Variants in RAB7A observed in about 807,000 individuals in gnomAD.
The protein encoded by RAB7A is ras-related protein Rab-7a.
A neutral mutation model predicts 24.5 loss-of-function variants in RAB7A; 2 were observed. That is an observed-to-expected ratio of 0.08 (90% CI 0.03 to 0.26). The LOEUF (loss-of-function observed/expected upper bound fraction) is 0.26. Ranked by LOEUF, RAB7A falls within the 10% of genes least tolerant of loss-of-function variation. RAB7A has a pLI of 1.00. For missense variants in RAB7A, 118 were observed against 255.7 expected, an observed-to-expected ratio of 0.46 and a Z score of 3.67; for synonymous variants, 100 against 95.9, an observed-to-expected ratio of 1.04 and a Z score of -0.25.
chr3:128,728,183 A>G (rs2070399189), intron 1 of RAB7A, among the ~76,000 whole-genome samples: 1 of 152,176 alleles, frequency 6.6e-6, no homozygotes, highest in Non-Finnish European at 1.5e-5. Context: ...AAGGTGAATG[A>G]TCTTGGCCAG....
At chr3:128,753,131 G>A (rs1448792629) in intron 1 of RAB7A, among the ~76,000 whole-genome samples, 1 of 152,124 alleles carries the variant, frequency 6.6e-6, no homozygotes, top group Non-Finnish European at 1.5e-5. Flanking sequence ...GTTAGTGGGT[G>A]GATGTATTCA....
chr3:128,790,898 C>T (rs1006591762), intron 1 of RAB7A, among the ~76,000 whole-genome samples: 2 of 152,112 alleles, frequency 1.3e-5, no homozygotes, highest in Non-Finnish European at 2.9e-5. Context: ...CCCCTTCCCA[C>T]CTCAAAAACA....
At chr3:128,731,857 T>G (rs2070440813) in intron 1 of RAB7A, among the ~76,000 whole-genome samples, 1 of 151,532 alleles carries the variant, frequency 6.6e-6, no homozygotes, top group South Asian at 2.1e-4. Context: ...AATATAAAAA[T>G]TAGCTGGGCA....
At chr3:128,808,235 C>T (rs950889368) in intron 5 of RAB7A, among the ~76,000 whole-genome samples, 5 of 152,030 alleles carry the variant, frequency 3.3e-5, no homozygotes, top group Non-Finnish European at 2.9e-5. Flanking sequence ...TGGTGGTCGC[C>T]AGTAATCCCA....
At chr3:128,753,615 A>T (rs2070706534) in intron 1 of RAB7A, among the ~76,000 whole-genome samples, 1 of 152,248 alleles carries the variant, frequency 6.6e-6, no homozygotes, top group Non-Finnish European at 1.5e-5. Flanking sequence ...GGGGAAGTCC[A>T]AAATCAAGGC....
intron 1 of RAB7A, among the ~76,000 whole-genome samples, chr3:128,783,200 T>TCCCCCGCC (rs199603796): frequency 2.5e-5 from 3 of 121,550 alleles, no homozygotes; most frequent in Non-Finnish European, 3.6e-5. Context: ...GGAGAATTTA[T>TCCCCCGCC]CCCCCGCCCC....
chr3:128,745,318 C>G (rs2070601437), intron 1 of RAB7A, among the ~76,000 whole-genome samples: 1 of 152,096 alleles, frequency 6.6e-6, no homozygotes, highest in African/African-American at 2.4e-5. Flanking sequence ...TCTGGAGTTT[C>G]AGTTGTACTG....
intron 1 of RAB7A, among the ~76,000 whole-genome samples, chr3:128,728,081 T>G (rs1166447325): frequency 6.6e-6 from 1 of 152,234 alleles, no homozygotes; most frequent in Non-Finnish European, 1.5e-5. Flanking sequence ...TTAAGTATTT[T>G]GAGTATCCAT....
At chr3:128,761,566 C>G (rs906265990) in intron 1 of RAB7A, among the ~76,000 whole-genome samples, 1 of 152,162 alleles carries the variant, frequency 6.6e-6, no homozygotes, top group African/African-American at 2.4e-5. Context: ...GATCACCAGC[C>G]TCTGAACAGG....
At chr3:128,797,808 T>C (rs1002783638) in intron 2 of RAB7A, 135 bp from the exon 3 acceptor site, 3 of 943,400 alleles carry the variant, frequency 3.2e-6, no homozygotes, top group Middle Eastern at 3.2e-4. Flanking sequence ...GGAAGGCTAC[T>C]GGCATTGCCC....
At chr3:128,775,804 G>A (rs1933073774) in intron 1 of RAB7A, among the ~76,000 whole-genome samples, 1 of 152,084 alleles carries the variant, frequency 6.6e-6, no homozygotes, top group African/African-American at 2.4e-5. Context: ...TGTTTGTGGT[G>A]TACAATATGA....
chr3:128,794,216 T>C (rs1933520745), intron 1 of RAB7A, among the ~76,000 whole-genome samples: 2 of 152,226 alleles, frequency 1.3e-5, no homozygotes. Flanking sequence ...GTTCTGTTAC[T>C]CATCTCTGTA....
At chr3:128,799,336 G>A (rs1261318739) in intron 3 of RAB7A, 1 of 152,088 alleles carries the variant, frequency 6.6e-6, no homozygotes, top group African/African-American at 2.4e-5. Context: ...CTTCCAGCAG[G>A]GCCTGTATAC....
intron 3 of RAB7A, among the ~76,000 whole-genome samples, chr3:128,798,602 A>G (rs1428826541): frequency 1.3e-5 from 2 of 152,124 alleles, no homozygotes; most frequent in Non-Finnish European, 2.9e-5. Context: ...AGATTCTTTC[A>G]TATGACTTGT....
chr3:128,780,657 G>A (rs1374809789), intron 1 of RAB7A, among the ~76,000 whole-genome samples: 1 of 152,200 alleles, frequency 6.6e-6, no homozygotes, highest in Non-Finnish European at 1.5e-5. Flanking sequence ...AGTGACTACT[G>A]CTTCTGAATT....
chr3:128,809,866 A>ATGCCATG (rs1423888181), intron 5 of RAB7A, among the ~76,000 whole-genome samples: 1 of 146,408 alleles, frequency 6.8e-6, no homozygotes, highest in African/African-American at 2.6e-5. Context: ...GGTGATGTCC[A>ATGCCATG]TGCCATGTTC....
At chr3:128,783,253 C>T (rs1424214439) in intron 1 of RAB7A, among the ~76,000 whole-genome samples, 1 of 147,890 alleles carries the variant, frequency 6.8e-6, no homozygotes, top group African/African-American at 2.5e-5. Context: ...CTCTATCCTC[C>T]TCCTGCCCTA....
intron 1 of RAB7A, among the ~76,000 whole-genome samples, chr3:128,742,945 C>T (rs2070569429): frequency 6.6e-6 from 1 of 152,246 alleles, no homozygotes; most frequent in Non-Finnish European, 1.5e-5. Flanking sequence ...AGCCCTTGGG[C>T]TGCCGATGGG....
intron 1 of RAB7A, among the ~76,000 whole-genome samples, chr3:128,789,943 A>C (rs546468854): frequency 4.6e-5 from 7 of 151,972 alleles, no homozygotes; most frequent in Non-Finnish European, 1.0e-4. Context: ...AGCGCGTGCC[A>C]CCACGCGCAG....
Sources: allele counts gnomAD v4.1 joint callset (sites outside exome capture counted in the v4.1 genomes callset), GRCh38; gene constraint gnomAD v4.1.1; transcripts MANE v1.5; gene names NCBI Gene and HGNC (gene_info 2026-07-23, HGNC 2026-07-21).